Variants in IFT122 observed in about 807,000 individuals in gnomAD.
The protein encoded by IFT122 is intraflagellar transport protein 122 homolog.
In IFT122, 118 loss-of-function variants were observed where a neutral mutation model predicts 161.6. That is an observed-to-expected ratio of 0.73 (90% CI 0.63 to 0.85). The LOEUF (loss-of-function observed/expected upper bound fraction) is 0.85. IFT122 is among the 40% of genes least tolerant of loss of function. IFT122 has a pLI of 0.00. For synonymous variants in IFT122, 550 were observed against 602.4 expected (o/e 0.91, Z 1.27); for missense variants, 1,381 against 1,579.6 (o/e 0.87, Z 2.13).
At chr3:129,464,875 A>G (rs1002635786) in intron 7 of IFT122, 94 bp downstream of exon 7, 1 of 1,377,050 alleles carries the variant, frequency 7.3e-7, no homozygotes, top group African/African-American at 1.4e-5. Flanking sequence ...AAGGCTTCTC[A>G]CCTCACTTGA....
At chr3:129,473,815 G>C (rs2077617531) in intron 9 of IFT122, among the ~76,000 whole-genome samples, 1 of 152,242 alleles carries the variant, frequency 6.6e-6, no homozygotes, top group East Asian at 1.9e-4. Flanking sequence ...AAAATGAGAA[G>C]TTCACCTAGT....
rs908933725 is a variant in IFT122 at position 129,504,202 on chromosome 3, C to G, written c.2548-117C>G. The G allele has an allele frequency of 1.9e-5, 16 of 845,546 alleles. No individual in the cohort carries two copies. The African/African-American group carries it at 2.3e-4, about 12-fold the overall frequency. 52.4% of individuals were successfully genotyped at this position (845,546 alleles called of 1,614,324 possible). On this transcript the variant is annotated intron_variant, in intron 20 of 29. Transcript: ENST00000348417. The stretch of plus-strand genomic sequence containing the variant: ...AGTTTTTTGGGGGAGGCACTCTCCC[C>G]CTCTGAGTTGTCAGGCTGGCAAAAT...
intron 23 of IFT122, among the ~76,000 whole-genome samples, chr3:129,509,606 A>T (rs924586463): frequency 6.6e-6 from 1 of 152,252 alleles, no homozygotes; most frequent in Non-Finnish European, 1.5e-5. Flanking sequence ...ATAAACAGTA[A>T]GTAATAACTC....
intron 13 of IFT122, among the ~76,000 whole-genome samples, chr3:129,481,112 A>T (rs188560937): frequency 2.3e-4 from 35 of 152,344 alleles, no homozygotes; most frequent in African/African-American, 8.2e-4. Context: ...GATAGCTATC[A>T]TGATCACTAT....
At chr3:129,444,526 C>T (rs569956437) in intron 1 of IFT122, among the ~76,000 whole-genome samples, 70 of 152,116 alleles carry the variant, frequency 4.6e-4, no homozygotes, top group African/African-American at 1.7e-3. Flanking sequence ...TAAGTTTACA[C>T]TCTTTTTTTT....
chr3:129,489,896 T>G (rs1465429358), intron 16 of IFT122, among the ~76,000 whole-genome samples: 1 of 150,528 alleles, frequency 6.6e-6, no homozygotes, highest in Non-Finnish European at 1.5e-5. Flanking sequence ...TGGAGGGAGC[T>G]TCCCTCTCCT....
rs748063045 is a variant in IFT122, at chr3:129,512,317, T to TC, written c.2894dup (p.Phe966ValfsTer7). The TC allele has an allele frequency of 3.7e-6, 6 of 1,613,194 alleles. No individual in the cohort carries two copies. The highest frequency in any genetic ancestry group is 5.1e-6 in the Non-Finnish European group (6 of 1,179,114). On this transcript the variant is annotated frameshift_variant, in exon 24 of 30. Transcript: ENST00000348417. LOFTEE classifies it high-confidence loss of function. Reference sequence around the variant, plus strand: ...TTGCTTTTCTCTCACTGCAGGAAGATCCGTTCAGTGTCCATCGTCCTGAAA... The same window carrying TC: ...TTGCTTTTCTCTCACTGCAGGAAGATCCCGTTCAGTGTCCATCGTCCTGAAA...
intron 4 of IFT122, among the ~76,000 whole-genome samples, chr3:129,459,684 TCTTCCTTCCTTC>T (rs546625729): frequency 0.13 from 5,298 of 39,680 alleles, 500 homozygotes; most frequent in African/African-American, 0.25. Context: ...CTCCCTCCCT[TCTTCCTTCCTTC>T]CTTCCTTCCT....
Position 129,512,564 on chromosome 3 carries a change from A to G in IFT122, c.2987+152A>G, listed in dbSNP as rs1429628193. 6 of 713,344 alleles carry G rather than the reference A, an allele frequency of 8.4e-6. No individual in the cohort carries two copies. The African/African-American group carries it at 8.7e-5, about 10-fold the overall frequency. The allele number at this position is 713,344 out of a possible 1,614,324, so 44.2% of individuals were successfully genotyped here. A position where few individuals can be genotyped will look rare whatever the true frequency, so the allele number is the denominator to read the frequency against. ...CTCACCCTCCCGCTGCTGTTTGGCTATAGAGGCTCAGCAGGGAGGCCCAGG... is the reference window on the plus strand; with the variant it reads ...CTCACCCTCCCGCTGCTGTTTGGCTGTAGAGGCTCAGCAGGGAGGCCCAGG... On this transcript the variant is annotated intron_variant, in intron 24 of 29. Transcript: ENST00000348417.
At chr3:129,460,849 T>C in intron 4 of IFT122, 1 of 1,612,330 alleles carries the variant, frequency 6.2e-7, no homozygotes, top group South Asian at 1.1e-5. Context: ...TTGTCATGTT[T>C]CCAGATCTTG....
chr3:129,503,423 C>T (rs984760570), intron 20 of IFT122, among the ~76,000 whole-genome samples: 1 of 152,124 alleles, frequency 6.6e-6, no homozygotes, highest in Admixed American at 6.5e-5. Flanking sequence ...GCCAGGTCAG[C>T]GAGAAAGGTG....
intron 15 of IFT122, chr3:129,483,888 C>G: frequency 1.6e-6 from 1 of 633,404 alleles, no homozygotes; most frequent in Non-Finnish European, 2.9e-6. Flanking sequence ...AGCTCAACCT[C>G]CCTGAGTATC....
intron 5 of IFT122, among the ~76,000 whole-genome samples, chr3:129,461,894 G>A (rs2076249205): frequency 6.6e-6 from 1 of 152,206 alleles, no homozygotes; most frequent in African/African-American, 2.4e-5. Context: ...TGTGGAGGGA[G>A]GAAGGGAGTG....
chr3:129,472,767 T>A (rs577371133), intron 9 of IFT122, among the ~76,000 whole-genome samples: 4 of 152,308 alleles, frequency 2.6e-5, no homozygotes, highest in Admixed American at 2.0e-4. Context: ...ATTATTTTTT[T>A]AAATCCCTTC....
Position 129,512,371 on chromosome 3 carries a change from G to A in IFT122, c.2946G>A (p.Leu982=). ...TTTTCAACATCTCCAGGTTCCTGCT[G>A]CACAGCCTGCCCAAGGACACCCCCT... ...ETLFNISRFL[L]HSLPKDTPSG... Residue 982 remains leucine (L), a synonymous_variant, in exon 24 of 30, where the codon CTG becomes CTA. Coordinates refer to ENST00000348417, the MANE Select transcript of IFT122 (RefSeq NM_052989.3). 3 of 1,614,008 alleles carry A rather than the reference G, an allele frequency of 1.9e-6. No homozygotes were observed. Among genetic ancestry groups the A allele is most frequent in the Non-Finnish European group, 2.5e-6 (3 of 1,179,902 alleles).
chr3:129,458,742 C>CT, intron 4 of IFT122, 65 bp downstream of exon 4: 7 of 1,274,094 alleles, frequency 5.5e-6, no homozygotes, highest in Non-Finnish European at 8.0e-6. Context: ...GCAAAAGCCT[C>CT]TTAGAAAAGA....
At chr3:129,504,247 C>T (rs2081953350) in intron 20 of IFT122, 72 bp from the exon 21 acceptor site, 1 of 1,261,946 alleles carries the variant, frequency 7.9e-7, no homozygotes, top group East Asian at 2.3e-5. Context: ...CTAATGGATT[C>T]AGCCAAGTAC....
At chr3:129,456,339 C>A in intron 3 of IFT122, 1 of 1,120,354 alleles carries the variant, frequency 8.9e-7, no homozygotes, top group Non-Finnish European at 1.1e-6. Context: ...ACTATTTCAG[C>A]TACTGTAAAA....
intron 7 of IFT122, 56 bp from the exon 8 acceptor site, chr3:129,466,834 T>C (rs778286258): frequency 3.9e-6 from 6 of 1,541,776 alleles, no homozygotes; most frequent in East Asian, 4.5e-5. Context: ...TTTTAAATTA[T>C]AGTTTTAGTG....
Sources: gnomAD v4.1 joint callset for allele counts (sites outside exome capture counted in the v4.1 genomes callset) on GRCh38, gnomAD v4.1.1 for gene constraint, MANE v1.5 for transcripts, NCBI Gene and HGNC (gene_info 2026-07-23, HGNC 2026-07-21) for gene names.